The following SMAD2 variants were observed in gnomAD, a reference collection of about 807,000 sequenced individuals.
SMAD2 encodes the protein SMAD family member 2.
A neutral mutation model predicts 64.4 loss-of-function variants in SMAD2; 8 were observed. That is an observed-to-expected ratio of 0.12 (90% CI 0.07 to 0.22). The LOEUF is 0.22. Among genes scored for constraint, SMAD2 ranks in the 10% least tolerant of loss-of-function variants. The pLI is 1.00. For synonymous variants in SMAD2, 203 were observed against 195.8 expected, an observed-to-expected ratio of 1.04 and a Z score of -0.31; for missense variants, 289 against 561.2, an observed-to-expected ratio of 0.51 and a Z score of 4.90.
chr18:47,860,412 C>T (rs1344985842), intron 6 of SMAD2, among the ~76,000 whole-genome samples: 1 of 151,598 alleles, frequency 6.6e-6, no homozygotes, highest in Non-Finnish European at 1.5e-5. Flanking sequence ...GCTGGGACCA[C>T]AGGTGAATGC....
At chr18:47,891,905 C>T (rs931426788) in intron 2 of SMAD2, among the ~76,000 whole-genome samples, 1 of 151,712 alleles carries the variant, frequency 6.6e-6, no homozygotes, top group Non-Finnish European at 1.5e-5. Context: ...TATATAAATA[C>T]TAGAAAAAAA....
intron 6 of SMAD2, among the ~76,000 whole-genome samples, chr18:47,852,141 G>A (rs2030164927): frequency 6.6e-6 from 1 of 152,118 alleles, no homozygotes; most frequent in South Asian, 2.1e-4. Flanking sequence ...CTTTTGCGAT[G>A]TTGATCATTT....
At position 47,835,669 on chromosome 18, in the gene SMAD2, A is replaced by C. The variant is rs1808066638; in HGVS notation, c.*6158T>G. On this transcript the variant is annotated 3_prime_UTR_variant, in exon 11 of 11. Transcript: ENST00000262160. ...AAGTTACCTAGTGATTAACATTGTAAAATAGTCAAAAACTTTAAAGCCACA... is the reference window on the plus strand; with the variant it reads ...AAGTTACCTAGTGATTAACATTGTACAATAGTCAAAAACTTTAAAGCCACA... 1 of 192,624 alleles carries C rather than the reference A, an allele frequency of 5.2e-6. No individual in the cohort carries two copies. The highest frequency in any genetic ancestry group is 6.1e-5 in the Admixed American group (1 of 16,320). 11.9% of individuals were successfully genotyped at this position (192,624 alleles called of 1,614,324 possible). A position where few individuals can be genotyped will look rare whatever the true frequency, so the allele number is the denominator to read the frequency against.
rs2144384681 is a variant in SMAD2, at chr18:47,870,540, C to G, written c.261G>C (p.Leu87=). The change falls in exon 3 of 11, where the codon CTG becomes CTC. Residue 87 remains leucine, a synonymous_variant. Transcript: ENST00000262160. The part of the protein sequence containing the change: ...IPSTCSEIWG[L]STPNTIDQWD... ...ACTGATCTATCGTATTTGGTGTACT[C>G]AGTCCCCAAATTTCAGAGCAAGTGC... 1 of 1,613,350 alleles carries G rather than the reference C, an allele frequency of 6.2e-7. No homozygotes were observed. The highest frequency in any genetic ancestry group is 8.5e-7 in the Non-Finnish European group (1 of 1,179,392).
At chr18:47,869,930 G>A (rs1388187270) in intron 3 of SMAD2, among the ~76,000 whole-genome samples, 2 of 152,230 alleles carry the variant, frequency 1.3e-5, no homozygotes, top group South Asian at 4.2e-4. Context: ...TTTGAGAACT[G>A]AGGTATATTT....
Position 47,896,541 on chromosome 18 carries a change from A to T in SMAD2, c.216T>A (p.Thr72=). 5 of 1,614,028 alleles carry T rather than the reference A, an allele frequency of 3.1e-6. No homozygotes were observed. Among genetic ancestry groups the T allele is most frequent in the Non-Finnish European group, 4.2e-6 (5 of 1,179,866 alleles). The part of the protein sequence containing the change: ...EKAITTQNCN[T]KCVTIPSTCS... Reference sequence around the variant, plus strand: ...CTTACCTTGGTATGGTAACACATTTAGTATTACAGTTTTGAGTGGTGATGG... The same window carrying T: ...CTTACCTTGGTATGGTAACACATTTTGTATTACAGTTTTGAGTGGTGATGG... Residue 72 remains threonine, a synonymous_variant, in exon 2 of 11, where the codon ACT becomes ACA. Transcript: ENST00000262160.
In SMAD2 at chr18:47,850,658, T is replaced by TA. The variant is rs1915355009; in HGVS notation, c.784+615_784+616insT. On this transcript the variant is annotated intron_variant, in intron 7 of 10. Transcript: ENST00000262160. ...TTATATATATTATGTATAATATATA[T>TA]TATATACTATATATATATTATATAT... Among the ~76,000 whole-genome samples, 12 of 29,302 alleles carry TA rather than the reference T, an allele frequency of 4.1e-4. No individual in the cohort carries two copies. In the East Asian group the frequency reaches 7.4e-3, roughly 18 times the overall value. The allele number at this position is 29,302 out of a possible 152,430, so 19.2% of individuals were successfully genotyped here. A position where few individuals can be genotyped will look rare whatever the true frequency, so the allele number is the denominator to read the frequency against.
intron 2 of SMAD2, among the ~76,000 whole-genome samples, chr18:47,891,517 CTT>C (rs5824713): frequency 6.8e-6 from 1 of 146,124 alleles, no homozygotes; most frequent in Non-Finnish European, 1.5e-5. Context: ...TTTTAAGTAA[CTT>C]TTTTTTTTTT....
intron 1 of SMAD2, among the ~76,000 whole-genome samples, chr18:47,906,928 T>TCCA (rs2033928339): frequency 6.6e-6 from 1 of 152,106 alleles, no homozygotes; most frequent in Admixed American, 6.6e-5. Context: ...ACCCAGATAA[T>TCCA]CCAGGATCAT....
chr18:47,823,882 T>C lies in SMAD2; in HGVS notation c.*17945A>G, dbSNP rs1400003210. 2 of 152,154 alleles carry C rather than the reference T, an allele frequency of 1.3e-5. No individual in the cohort carries two copies. Among genetic ancestry groups the C allele is most frequent in the East Asian group, 3.9e-4 (2 of 5,192 alleles). The allele number at this position is 152,154 out of a possible 1,614,324, so 9.4% of individuals were successfully genotyped here. ...TTTCTGCAGAAAGAAGTACAATTCC[T>C]AACAGAATAATGCTAGCCCAGCACT... On this transcript the variant is annotated 3_prime_UTR_variant, in exon 11 of 11. Transcript: ENST00000262160.
intron 1 of SMAD2, among the ~76,000 whole-genome samples, chr18:47,906,973 T>G (rs2033930751): frequency 6.6e-6 from 1 of 152,148 alleles, no homozygotes; most frequent in African/African-American, 2.4e-5. Flanking sequence ...TAATCACATC[T>G]GTAAAGTCTC....
At chr18:47,845,010 A>G (rs899808571) in intron 10 of SMAD2, 6 of 546,644 alleles carry the variant, frequency 1.1e-5, no homozygotes, top group South Asian at 7.5e-5. Flanking sequence ...CAACTAGATC[A>G]TGTGCCATCA....
intron 6 of SMAD2, among the ~76,000 whole-genome samples, chr18:47,853,643 T>G (rs556215247): frequency 6.6e-6 from 1 of 152,144 alleles, no homozygotes; most frequent in Admixed American, 6.5e-5. Flanking sequence ...TGGTAGCCCC[T>G]AGATAAATAA....
chr18:47,851,334 C>G lies in SMAD2; in HGVS notation c.731-7G>C, dbSNP rs780446845. 7 of 1,594,820 alleles carry G rather than the reference C, an allele frequency of 4.4e-6. No individual in the cohort carries two copies. The highest frequency in any genetic ancestry group is 6.0e-6 in the Non-Finnish European group (7 of 1,163,356). ...GATAGTTCTGCTGGAGAGCCTAAAACAAAAGGATTTAAAAATAAATGAAGT... is the reference window on the plus strand; with the variant it reads ...GATAGTTCTGCTGGAGAGCCTAAAAGAAAAGGATTTAAAAATAAATGAAGT... On this transcript the variant is annotated splice_region_variant and splice_polypyrimidine_tract_variant and intron_variant, in intron 6 of 10. Transcript: ENST00000262160.
rs1912176483 is a variant in SMAD2, at chr18:47,810,835, G to A, written c.*30992C>T. 6.6e-6 allele frequency: 1 copy of A among 152,210 alleles called. No individual in the cohort carries two copies. Among genetic ancestry groups the A allele is most frequent in the Non-Finnish European group, 1.5e-5 (1 of 68,056 alleles). The allele number at this position is 152,210 out of a possible 1,614,324, so 9.4% of individuals were successfully genotyped here. A position where few individuals can be genotyped will look rare whatever the true frequency, so the allele number is the denominator to read the frequency against. On this transcript the variant is annotated 3_prime_UTR_variant, in exon 11 of 11. Coordinates refer to ENST00000262160, the MANE Select transcript of SMAD2 (RefSeq NM_005901.6). ...TGCATCAGCAACAGCCGCCACAGCT[G>A]AACTGTCACACTTTTGCACCATCTT...
At chr18:47,861,065 A>G (rs948434035) in intron 6 of SMAD2, among the ~76,000 whole-genome samples, 1 of 152,160 alleles carries the variant, frequency 6.6e-6, no homozygotes, top group African/African-American at 2.4e-5. Context: ...GAAAAAAAGA[A>G]AAACTGTCAG....
In SMAD2 at chr18:47,822,276, G is replaced by T. The variant is rs1352142181; in HGVS notation, c.*19551C>A. ...AGATTTTTAATCATGGTTATTCTAA[G>T]TTTTTGTAATTCCCAGTTATTGCTT... On this transcript the variant is annotated 3_prime_UTR_variant, in exon 11 of 11. Transcript: ENST00000262160. The T allele has an allele frequency of 6.6e-6, 1 of 152,134 alleles. No individual in the cohort carries two copies. Among genetic ancestry groups the T allele is most frequent in the Admixed American group, 6.5e-5 (1 of 15,272 alleles). 9.4% of individuals were successfully genotyped at this position (152,134 alleles called of 1,614,324 possible). A position where few individuals can be genotyped will look rare whatever the true frequency, so the allele number is the denominator to read the frequency against.
Position 47,830,669 on chromosome 18 carries a change from T to C in SMAD2, c.*11158A>G, listed in dbSNP as rs1308095463. 6.6e-6 allele frequency: 1 copy of C among 152,474 alleles called. No individual in the cohort carries two copies. Among genetic ancestry groups the C allele is most frequent in the Non-Finnish European group, 1.5e-5 (1 of 68,216 alleles). 9.4% of individuals were successfully genotyped at this position (152,474 alleles called of 1,614,324 possible). A position where few individuals can be genotyped will look rare whatever the true frequency, so the allele number is the denominator to read the frequency against. ...TGAGTCATCATTTGTATTAAAATCT[T>C]ATTTACATGGTACTTATGTAGTTTG... On this transcript the variant is annotated 3_prime_UTR_variant, in exon 11 of 11. Transcript: ENST00000262160.
At chr18:47,894,487 T>C (rs2033345083) in intron 2 of SMAD2, among the ~76,000 whole-genome samples, 1 of 152,160 alleles carries the variant, frequency 6.6e-6, no homozygotes, top group South Asian at 2.1e-4. Flanking sequence ...CCCCTTACTT[T>C]ATACTCTAAG....
Sources: allele counts gnomAD v4.1 joint callset (sites outside exome capture counted in the v4.1 genomes callset), GRCh38; gene constraint gnomAD v4.1.1; transcripts MANE v1.5; gene names NCBI Gene and HGNC (gene_info 2026-07-23, HGNC 2026-07-21).